EIF3H: variants seen among roughly 807,000 people sequenced by gnomAD.
The protein encoded by EIF3H is eukaryotic translation initiation factor 3 subunit H, also known as eIF-3-gamma.
In EIF3H, 26 loss-of-function variants were observed where a neutral mutation model predicts 44.2. The observed-to-expected ratio is 0.59, with a 90% CI of 0.43 to 0.82. The LOEUF is 0.82. Among genes scored for constraint, EIF3H ranks in the 40% least tolerant of loss-of-function variants. EIF3H has a pLI of 0.00. For missense variants in EIF3H, 359 were observed against 432.8 expected (o/e 0.83, Z 1.51); for synonymous variants, 166 against 151.9 (o/e 1.09, Z -0.68).
At chr8:116,766,374 C>A, upstream of EIF3H, 1 of 450,570 alleles carries the variant, frequency 2.2e-6, no homozygotes. Flanking sequence ...AGCGTACGCA[C>A]AAGTTCCGCC....
At chr8:116,649,589 G>T (rs1197347661) in intron 5 of EIF3H, among the ~76,000 whole-genome samples, 1 of 152,038 alleles carries the variant, frequency 6.6e-6, no homozygotes, top group Non-Finnish European at 1.5e-5. Flanking sequence ...CTCCTACCAT[G>T]GTAACGCCTG....
At chr8:116,729,400 G>A (rs1271065623) in intron 1 of EIF3H, among the ~76,000 whole-genome samples, 2 of 152,160 alleles carry the variant, frequency 1.3e-5, no homozygotes, top group Non-Finnish European at 2.9e-5. Context: ...AAACTATATT[G>A]AAAACTGTCT....
intron 2 of EIF3H, among the ~76,000 whole-genome samples, chr8:116,663,656 C>T (rs931843605): frequency 2.6e-5 from 4 of 152,126 alleles, no homozygotes; most frequent in African/African-American, 4.8e-5. Flanking sequence ...GTCAGCTGCA[C>T]GCCGTGGCTC....
At chr8:116,669,641 A>C (rs2130814475) in intron 2 of EIF3H, among the ~76,000 whole-genome samples, 1 of 152,342 alleles carries the variant, frequency 6.6e-6, no homozygotes, top group South Asian at 2.1e-4. Context: ...CTTTACCTTC[A>C]AACATCAGGA....
At chr8:116,728,942 T>C (rs1814903365) in intron 1 of EIF3H, among the ~76,000 whole-genome samples, 1 of 152,246 alleles carries the variant, frequency 6.6e-6, no homozygotes, top group African/African-American at 2.4e-5. Context: ...ATGACCAATA[T>C]TGTTGATATT....
chr8:116,672,991 A>G (rs1813782483), intron 2 of EIF3H, among the ~76,000 whole-genome samples: 1 of 149,512 alleles, frequency 6.7e-6, no homozygotes, highest in African/African-American at 2.5e-5. Flanking sequence ...ATATAACTTA[A>G]AGTTTTAATA....
chr8:116,673,994 T>C (rs1813801343), intron 2 of EIF3H, among the ~76,000 whole-genome samples: 1 of 126,274 alleles, frequency 7.9e-6, no homozygotes, highest in South Asian at 2.7e-4. Flanking sequence ...GGCGTGAACC[T>C]GGGAGGCGGA....
intron 2 of EIF3H, among the ~76,000 whole-genome samples, chr8:116,724,482 G>C (rs1486495672): frequency 6.6e-6 from 1 of 151,928 alleles, no homozygotes; most frequent in Non-Finnish European, 1.5e-5. Context: ...CTCCTGCCCA[G>C]CAAAGGAAAC....
intron 2 of EIF3H, among the ~76,000 whole-genome samples, chr8:116,693,295 T>C (rs1238772324): frequency 6.6e-6 from 1 of 152,246 alleles, no homozygotes; most frequent in East Asian, 1.9e-4. Flanking sequence ...CAGAAAATTT[T>C]AGCAACTGCT....
At chr8:116,718,661 G>T (rs563408327) in intron 2 of EIF3H, among the ~76,000 whole-genome samples, 2 of 150,072 alleles carry the variant, frequency 1.3e-5, no homozygotes, top group East Asian at 3.9e-4. Context: ...TTCATAAGTG[G>T]GAGTGAAGCT....
intron 2 of EIF3H, among the ~76,000 whole-genome samples, chr8:116,673,115 C>A (rs1041943725): frequency 6.6e-6 from 1 of 151,632 alleles, no homozygotes; most frequent in African/African-American, 2.4e-5. Flanking sequence ...GAGGCAATGG[C>A]TTGCACTATA....
rs1563663256 is a variant in EIF3H at position 116,752,787 on chromosome 8, G to GGAAGGAAGGAA, written c.132+2878_132+2879insTTCCTTCCTTC. Among the ~76,000 whole-genome samples the GGAAGGAAGGAA allele has an allele frequency of 2.6e-4, 7 of 27,392 alleles. No individual in the cohort carries two copies. In the South Asian group the frequency reaches 7.9e-3, roughly 31 times the overall value. 18.0% of individuals were successfully genotyped at this position (27,392 alleles called of 152,430 possible). A position where few individuals can be genotyped will look rare whatever the true frequency, so the allele number is the denominator to read the frequency against. ...AGGGAGGGAGGGAGGGAGGGAGGGA[G>GGAAGGAAGGAA]GGAGGGAGGGAAGGAAGGAAGGAAG... On this transcript the variant is annotated intron_variant, in intron 1 of 7. Coordinates refer to ENST00000521861, the MANE Select transcript of EIF3H (RefSeq NM_003756.3).
At position 116,755,748 on chromosome 8, in the gene EIF3H, G is replaced by C. The variant is rs753808300; in HGVS notation, c.50C>G (p.Ser17Cys). The C allele has an allele frequency of 3.4e-5, 55 of 1,614,054 alleles. No homozygotes were observed. The South Asian group carries it at 5.9e-4, about 17-fold the overall frequency. ...GTGSTATSSSSTAGAAGKGKG... is the reference protein window; with the variant it reads ...GTGSTATSSSCTAGAAGKGKG... ...GCCTTTCCCTGCTGCGCCGGCGGTG[G>C]AGCTGGAAGAGGTGGCAGTAGAGCC... The change falls in exon 1 of 8, where the codon TCC becomes TGC. Residue 17 changes from serine (S) to cysteine (C), a missense_variant. Physicochemically the swap from Ser to Cys is moderately radical, Grantham distance 112. This residue lies in a region of EIF3H where 59 missense variants were observed against 33.5 expected (regional missense o/e 1.76). Coordinates refer to ENST00000521861, the MANE Select transcript of EIF3H (RefSeq NM_003756.3).
intron 1 of EIF3H, among the ~76,000 whole-genome samples, chr8:116,750,107 A>G (rs1247057589): frequency 3.3e-5 from 5 of 152,300 alleles, no homozygotes; most frequent in Non-Finnish European, 5.9e-5. Context: ...AATATCTTAT[A>G]TAGGTTACTG....
intron 1 of EIF3H, among the ~76,000 whole-genome samples, chr8:116,765,074 T>A (rs975654287): frequency 6.6e-6 from 1 of 152,178 alleles, no homozygotes; most frequent in African/African-American, 2.4e-5. Flanking sequence ...AAAAAATGTT[T>A]TAACTGTTTT....
At chr8:116,759,890 T>G (rs1424951222), upstream of EIF3H, among the ~76,000 whole-genome samples, 1 of 152,098 alleles carries the variant, frequency 6.6e-6, no homozygotes, top group Non-Finnish European at 1.5e-5. Context: ...AGCACCACAC[T>G]TGAATAATTT....
chr8:116,713,486 G>A (rs896117630), intron 2 of EIF3H, among the ~76,000 whole-genome samples: 2 of 152,026 alleles, frequency 1.3e-5, no homozygotes, highest in Admixed American at 6.5e-5. Flanking sequence ...TGAAGTAAAT[G>A]CAAAAATATT....
At chr8:116,672,145 A>T (rs1458033116) in intron 2 of EIF3H, among the ~76,000 whole-genome samples, 1 of 152,274 alleles carries the variant, frequency 6.6e-6, no homozygotes, top group Non-Finnish European at 1.5e-5. Context: ...GTTAAAGCAG[A>T]GACAGATAAA....
At chr8:116,669,045 T>C (rs765735591) in intron 2 of EIF3H, among the ~76,000 whole-genome samples, 3 of 152,036 alleles carry the variant, frequency 2.0e-5, no homozygotes, top group Non-Finnish European at 2.9e-5. Flanking sequence ...GGACTGGAGA[T>C]TGTATGTGTC....
Sources: gnomAD v4.1 joint callset for allele counts (sites outside exome capture counted in the v4.1 genomes callset) on GRCh38, gnomAD v4.1.1 for gene constraint, gnomAD v4.1.1 regional missense constraint, MANE v1.5 for transcripts, NCBI Gene and HGNC (gene_info 2026-07-23, HGNC 2026-07-21) for gene names.